Variants in SUPT3H observed in about 807,000 individuals in gnomAD.
SUPT3H encodes transcription initiation protein SPT3 homolog.
In SUPT3H, 44 loss-of-function variants were observed where a neutral mutation model predicts 44.3. The observed-to-expected ratio is 0.99, with a 90% CI of 0.78 to 1.28. SUPT3H has a LOEUF of 1.28. SUPT3H is among the 50% of genes most tolerant of loss of function. SUPT3H has a pLI of 0.00. For missense variants in SUPT3H, 380 were observed against 387.1 expected (o/e 0.98, Z 0.15); for synonymous variants, 124 against 125.6 (o/e 0.99, Z 0.09).
chr6:44,881,252 A>G (rs896642690), intron 10 of SUPT3H, among the ~76,000 whole-genome samples: 18 of 151,958 alleles, frequency 1.2e-4, no homozygotes, highest in African/African-American at 4.1e-4. Flanking sequence ...TAGTTTGATA[A>G]AACAGACTTT....
chr6:45,218,964 A>G (rs1167690695), intron 2 of SUPT3H, among the ~76,000 whole-genome samples: 3 of 152,228 alleles, frequency 2.0e-5, no homozygotes, highest in Non-Finnish European at 4.4e-5. Context: ...TTAATCAATA[A>G]CAGAAAGATA....
chr6:45,224,799 G>A (rs1320950056), intron 2 of SUPT3H, among the ~76,000 whole-genome samples: 1 of 149,914 alleles, frequency 6.7e-6, no homozygotes, highest in Non-Finnish European at 1.5e-5. Context: ...AAGAAAGAAA[G>A]ATAGAAAGAA....
intron 2 of SUPT3H, among the ~76,000 whole-genome samples, chr6:45,128,553 TATATACACACACAC>T (rs1372497928): frequency 1.2e-4 from 8 of 64,458 alleles, no homozygotes; most frequent in African/African-American, 5.7e-4. Flanking sequence ...TATATATATA[TATATACACACACAC>T]ACACACACAC....
At chr6:45,126,726 C>A (rs1347170164) in intron 2 of SUPT3H, among the ~76,000 whole-genome samples, 1 of 152,158 alleles carries the variant, frequency 6.6e-6, no homozygotes, top group African/African-American at 2.4e-5. Context: ...AAAAGATACA[C>A]ACTAAAAACC....
At chr6:45,105,788 A>G in intron 3 of SUPT3H, 134 bp downstream of exon 3, 1 of 596,344 alleles carries the variant, frequency 1.7e-6, no homozygotes, top group Non-Finnish European at 2.8e-6. Flanking sequence ...ATTTTGTTAT[A>G]TATAAAGTAT....
Position 44,930,564 on chromosome 6 carries a change from C to CA in SUPT3H, c.912+2088dup, listed in dbSNP as rs3857588. ...GGGCAAACAGAGTGAGACTCCGTCT[C>CA]AAAAAAAAAAAAAAAAAAAAAAAGT... is the stretch of plus-strand genomic sequence containing the variant. On this transcript the variant is annotated intron_variant, in intron 10 of 10. Transcript: ENST00000371459. Among the ~76,000 whole-genome samples, 52 of 65,094 alleles carry CA rather than the reference C, an allele frequency of 8.0e-4. 1 individual carries two copies. Among genetic ancestry groups the CA allele is most frequent in the African/African-American group, 2.4e-3 (37 of 15,112 alleles). 42.7% of individuals were successfully genotyped at this position (65,094 alleles called of 152,430 possible).
intron 6 of SUPT3H, among the ~76,000 whole-genome samples, chr6:44,986,048 A>G (rs1238041529): frequency 1.3e-5 from 2 of 152,304 alleles, no homozygotes; most frequent in East Asian, 3.9e-4. Context: ...TTATCTTTTA[A>G]TATGTGATTC....
chr6:44,913,567 A>G (rs1767372930), intron 10 of SUPT3H, among the ~76,000 whole-genome samples: 1 of 152,232 alleles, frequency 6.6e-6, no homozygotes, highest in Non-Finnish European at 1.5e-5. Flanking sequence ...AGAAGAGAAC[A>G]TAACTTCCAA....
At chr6:44,907,293 C>T (rs1766263412) in intron 10 of SUPT3H, among the ~76,000 whole-genome samples, 1 of 152,162 alleles carries the variant, frequency 6.6e-6, no homozygotes, top group East Asian at 1.9e-4. Context: ...GATGGTTAAG[C>T]CACCAAATCT....
chr6:45,267,472 C>T (rs756510204), intron 2 of SUPT3H, among the ~76,000 whole-genome samples: 19 of 152,242 alleles, frequency 1.2e-4, no homozygotes, highest in Non-Finnish European at 2.4e-4. Context: ...ATGTTGTCTG[C>T]CAGGGCAGTA....
intron 2 of SUPT3H, among the ~76,000 whole-genome samples, chr6:45,200,393 C>A (rs77938699): frequency 0.024 from 3,629 of 151,440 alleles, 162 homozygotes; most frequent in African/African-American, 0.082. Context: ...TGACTTATTA[C>A]ATTAATAAAA....
At chr6:45,102,891 A>T (rs1032475835) in intron 3 of SUPT3H, among the ~76,000 whole-genome samples, 23 of 152,032 alleles carry the variant, frequency 1.5e-4, no homozygotes, top group Non-Finnish European at 4.4e-5. Flanking sequence ...GTGAGCCGAG[A>T]TCATGCCTCT....
chr6:45,100,558 A>AAAAAAAAAAAAAAAAAC (rs1409527892), intron 3 of SUPT3H, among the ~76,000 whole-genome samples: 1 of 149,288 alleles, frequency 6.7e-6, no homozygotes, highest in South Asian at 2.1e-4. Flanking sequence ...AAAAAAAAAA[A>AAAAAAAAAAAAAAAAAC]AAAAAAGACA....
chr6:44,877,843 T>C (rs867700533), intron 10 of SUPT3H, among the ~76,000 whole-genome samples: 5 of 152,240 alleles, frequency 3.3e-5, no homozygotes, highest in South Asian at 2.1e-4. Flanking sequence ...TGTCGGTGTT[T>C]GTTCTCCAGT....
At chr6:45,350,295 A>G (rs1791755806) in intron 2 of SUPT3H, among the ~76,000 whole-genome samples, 1 of 152,234 alleles carries the variant, frequency 6.6e-6, no homozygotes, top group South Asian at 2.1e-4. Flanking sequence ...AAACATTTGT[A>G]TATAATAATC....
At chr6:45,284,525 C>G (rs570752961) in intron 2 of SUPT3H, among the ~76,000 whole-genome samples, 1 of 152,114 alleles carries the variant, frequency 6.6e-6, no homozygotes, top group South Asian at 2.1e-4. Context: ...ACACATACAC[C>G]CTCCCAAGAC....
rs563176037 is a variant in SUPT3H at position 45,018,871 on chromosome 6, T to G, written c.273+1675A>C. On this transcript the variant is annotated intron_variant, in intron 4 of 10. Coordinates refer to ENST00000371459, the MANE Select transcript of SUPT3H (RefSeq NM_003599.4). ...ATGATGCTGGCCTCATAAAATGAGT[T>G]AGGGAGGATTCCCTCTTTTTCTATT... Among the ~76,000 whole-genome samples the G allele has an allele frequency of 8.2e-3, 1,248 of 151,670 alleles. 16 individuals carry two copies. The highest frequency in any genetic ancestry group is 0.028 in the African/African-American group (1,166 of 41,414).
chr6:44,835,402 C>T (rs904899617), intron 10 of SUPT3H, among the ~76,000 whole-genome samples: 2 of 152,122 alleles, frequency 1.3e-5, no homozygotes, highest in Non-Finnish European at 2.9e-5. Context: ...TGCCCTGTCA[C>T]CAAGAGCCTG....
chr6:45,285,250 A>G lies in SUPT3H; in HGVS notation c.101+79951T>C, dbSNP rs559655546. On this transcript the variant is annotated intron_variant, in intron 2 of 10. Transcript: ENST00000371459. ...GTTGGAAGTTCTGGCCAGGGCAATCAGGCAGGAGAAGGAAATAAAGGGTAT... is the reference window on the plus strand; with the variant it reads ...GTTGGAAGTTCTGGCCAGGGCAATCGGGCAGGAGAAGGAAATAAAGGGTAT... Among the ~76,000 whole-genome samples the G allele has an allele frequency of 2.1e-3, 325 of 151,952 alleles. 1 individual carries two copies. Among genetic ancestry groups the G allele is most frequent in the African/African-American group, 7.3e-3 (304 of 41,458 alleles).
Sources: allele counts gnomAD v4.1 joint callset (sites outside exome capture counted in the v4.1 genomes callset), GRCh38; gene constraint gnomAD v4.1.1; transcripts MANE v1.5; gene names NCBI Gene and HGNC (gene_info 2026-07-23, HGNC 2026-07-21).